Variants in STXBP6 observed in about 807,000 individuals in gnomAD.
STXBP6 encodes syntaxin-binding protein 6.
In STXBP6, 21 loss-of-function variants were observed where a neutral mutation model predicts 26.9. The ratio of observed to expected loss-of-function variants is 0.78; its 90% CI spans 0.55 to 1.12. STXBP6 has a LOEUF of 1.12. Ranked by LOEUF, STXBP6 falls within the 50% of genes most tolerant of loss-of-function variation. STXBP6 has a pLI of 0.00. For missense variants in STXBP6, 232 were observed against 257.9 expected (o/e 0.90, Z 0.69); for synonymous variants, 97 against 92.6 (o/e 1.05, Z -0.27).
At chr14:25,002,872 G>A (rs931093039) in intron 1 of STXBP6, among the ~76,000 whole-genome samples, 4 of 151,532 alleles carry the variant, frequency 2.6e-5, no homozygotes, top group Non-Finnish European at 5.9e-5. Context: ...TATTACAGGC[G>A]TGTGCCACCA....
At chr14:24,829,053 C>T (rs1285323660) in intron 4 of STXBP6, among the ~76,000 whole-genome samples, 1 of 152,116 alleles carries the variant, frequency 6.6e-6, no homozygotes, top group African/African-American at 2.4e-5. Flanking sequence ...GAGAATAAAC[C>T]AGGCCCTGTG....
chr14:24,918,452 C>CCACACACACACACACACACACA (rs55810129), intron 2 of STXBP6, among the ~76,000 whole-genome samples: 2 of 133,398 alleles, frequency 1.5e-5, no homozygotes. Context: ...CACACCCCCA[C>CCACACACACACACACACACACA]CACACACACA....
chr14:24,827,411 A>G (rs1234592755), intron 4 of STXBP6, among the ~76,000 whole-genome samples: 1 of 152,120 alleles, frequency 6.6e-6, no homozygotes, highest in Non-Finnish European at 1.5e-5. Flanking sequence ...TCACAAATTA[A>G]AAACCTTCAT....
intron 1 of STXBP6, among the ~76,000 whole-genome samples, chr14:25,038,234 T>C (rs533778087): frequency 1.3e-5 from 2 of 150,762 alleles, no homozygotes; most frequent in East Asian, 1.9e-4. Context: ...AAACTAAGTG[T>C]TGGCAAAGAA....
chr14:24,842,985 A>AT (rs1004145263), intron 4 of STXBP6, among the ~76,000 whole-genome samples: 2 of 152,190 alleles, frequency 1.3e-5, no homozygotes, highest in African/African-American at 4.8e-5. Flanking sequence ...TTTTGGAATT[A>AT]TTTTGTTAAT....
chr14:24,869,221 C>CT (rs1226032827), intron 2 of STXBP6, among the ~76,000 whole-genome samples: 1 of 152,208 alleles, frequency 6.6e-6, no homozygotes, highest in Admixed American at 6.5e-5. Context: ...GGCTATCTCT[C>CT]TTTTTTTAAA....
At chr14:24,956,184 A>T (rs185285974) in intron 2 of STXBP6, among the ~76,000 whole-genome samples, 2 of 149,688 alleles carry the variant, frequency 1.3e-5, no homozygotes, top group Non-Finnish European at 3.0e-5. Flanking sequence ...TTAAGGGAGA[A>T]AAAAAAAATC....
chr14:24,935,478 G>A (rs2072562102), intron 2 of STXBP6, among the ~76,000 whole-genome samples: 1 of 152,092 alleles, frequency 6.6e-6, no homozygotes, highest in Non-Finnish European at 1.5e-5. Flanking sequence ...GTAAGAAAGA[G>A]CCAAACTAAG....
chr14:24,872,535 C>T (rs181357886), intron 2 of STXBP6, among the ~76,000 whole-genome samples: 3 of 152,270 alleles, frequency 2.0e-5, no homozygotes, highest in Non-Finnish European at 4.4e-5. Context: ...TCTAAGCAGC[C>T]TTAGAGGAAG....
In STXBP6 at chr14:25,032,199, G is replaced by A. The variant is rs550650454; in HGVS notation, c.-33+17679C>T. Among the ~76,000 whole-genome samples the A allele has an allele frequency of 4.6e-5, 7 of 152,298 alleles. No homozygotes were observed. In the South Asian group the frequency reaches 1.5e-3, roughly 32 times the overall value. ...CCGCGAAGGCATTCTATTCTGCAGA[G>A]AGAAAGCACTGCAGCAGTACTGATC... On this transcript the variant is annotated intron_variant, in intron 1 of 5. Coordinates refer to ENST00000323944, the MANE Select transcript of STXBP6 (RefSeq NM_001394410.1).
chr14:24,813,451 G>C (rs991485105), intron 5 of STXBP6, among the ~76,000 whole-genome samples: 1 of 152,178 alleles, frequency 6.6e-6, no homozygotes, highest in African/African-American at 2.4e-5. Context: ...AATTAAATTT[G>C]TCCTCACTTT....
intron 1 of STXBP6, among the ~76,000 whole-genome samples, chr14:24,999,313 C>T (rs2074688950): frequency 6.6e-6 from 1 of 152,168 alleles, no homozygotes. Context: ...GAATATCCTA[C>T]TTACAGAGGA....
chr14:24,871,898 A>G (rs1188919378), intron 2 of STXBP6, among the ~76,000 whole-genome samples: 1 of 152,188 alleles, frequency 6.6e-6, no homozygotes, highest in Admixed American at 6.5e-5. Context: ...CACAAAGGCA[A>G]TGCATCTGCT....
In STXBP6 at chr14:24,856,121, A is replaced by G. The variant is rs1461099461; in HGVS notation, c.286-20T>C. The G allele has an allele frequency of 1.4e-5, 22 of 1,579,494 alleles. No homozygotes were observed. The highest frequency in any genetic ancestry group is 2.7e-5 in the African/African-American group (2 of 73,488). On this transcript the variant is annotated intron_variant, in intron 3 of 5. Coordinates refer to ENST00000323944, the MANE Select transcript of STXBP6 (RefSeq NM_001394410.1). Reference sequence around the variant, plus strand: ...CGAATCCTGGAAAAGACAATGAAATAACTACTAATCTCAATCTATAAAAAC... The same window carrying G: ...CGAATCCTGGAAAAGACAATGAAATGACTACTAATCTCAATCTATAAAAAC...
chr14:24,835,580 AATAAACATAG>A (rs1392635759), intron 4 of STXBP6, among the ~76,000 whole-genome samples: 2 of 152,206 alleles, frequency 1.3e-5, no homozygotes, highest in African/African-American at 4.8e-5. Context: ...AAAAAGCAAA[AATAAACATAG>A]ATCATCTAAT....
At chr14:24,829,997 A>G (rs535654584) in intron 4 of STXBP6, among the ~76,000 whole-genome samples, 32 of 152,302 alleles carry the variant, frequency 2.1e-4, no homozygotes, top group African/African-American at 7.2e-4. Flanking sequence ...ATCAGTTTGA[A>G]AGCCATATCT....
At chr14:25,016,672 T>G (rs1021253075) in intron 1 of STXBP6, among the ~76,000 whole-genome samples, 1 of 152,198 alleles carries the variant, frequency 6.6e-6, no homozygotes, top group African/African-American at 2.4e-5. Flanking sequence ...TGATGTGTTT[T>G]TACTATCAGG....
chr14:24,989,518 A>G (rs1029899801), intron 1 of STXBP6, among the ~76,000 whole-genome samples: 7 of 152,236 alleles, frequency 4.6e-5, no homozygotes, highest in African/African-American at 1.4e-4. Flanking sequence ...AAGACTTTAT[A>G]TTCTATCCCT....
At chr14:24,967,941 A>G (rs1335163178) in intron 2 of STXBP6, among the ~76,000 whole-genome samples, 1 of 152,122 alleles carries the variant, frequency 6.6e-6, no homozygotes, top group Non-Finnish European at 1.5e-5. Context: ...GACCAGGTGG[A>G]TGTCTGACTC....
Sources: gnomAD v4.1 joint callset for allele counts (sites outside exome capture counted in the v4.1 genomes callset) on GRCh38, gnomAD v4.1.1 for gene constraint, MANE v1.5 for transcripts, NCBI Gene and HGNC (gene_info 2026-07-23, HGNC 2026-07-21) for gene names.